Variants in AGBL1 observed in about 807,000 individuals in gnomAD.
AGBL1 encodes AGBL carboxypeptidase 1.
Under a neutral mutation model 118.9 loss-of-function variants are expected in AGBL1, and 130 were observed. The observed-to-expected ratio is 1.09, with a 90% CI of 0.95 to 1.26. The LOEUF is 1.26. Ranked by LOEUF, AGBL1 falls within the 50% of genes most tolerant of loss-of-function variation. The probability of loss-of-function intolerance (pLI) is 0.00; values close to 1 mark genes in which losing one functional copy is unlikely to be tolerated. For synonymous variants in AGBL1, 555 were observed against 478.9 expected, an observed-to-expected ratio of 1.16 and a Z score of -2.08; for missense variants, 1,584 against 1,298.1, an observed-to-expected ratio of 1.22 and a Z score of -3.38.
At chr15:86,341,702 A>G (rs1041613560) in intron 17 of AGBL1, among the ~76,000 whole-genome samples, 3 of 152,152 alleles carry the variant, frequency 2.0e-5, no homozygotes, top group Admixed American at 2.0e-4. Flanking sequence ...TAGATTAGAA[A>G]TGTAACTATG....
chr15:86,152,894 C>A (rs1018031443), intron 3 of AGBL1, among the ~76,000 whole-genome samples: 5 of 152,188 alleles, frequency 3.3e-5, no homozygotes, highest in African/African-American at 1.2e-4. Context: ...ATGCAGCCAA[C>A]AGACATGTGA....
Position 86,552,261 on chromosome 15 carries a change from C to A in AGBL1, c.2818-2100C>A, listed in dbSNP as rs537868648. Among the ~76,000 whole-genome samples, 214 of 152,232 alleles carry A rather than the reference C, an allele frequency of 1.4e-3. 6 individuals are homozygous for A. In the South Asian group the frequency reaches 0.043, roughly 31 times the overall value. On this transcript the variant is annotated intron_variant, in intron 20 of 22. Coordinates refer to ENST00000614907, the MANE Select transcript of AGBL1 (RefSeq NM_001386094.1). ...GTGGGGGGCATATGGGAAATCCCTG[C>A]ATCTTCCTTCTCAGTTTCGCTGTGG...
intron 17 of AGBL1, chr15:86,299,714 A>T (rs1343198307): frequency 6.6e-6 from 1 of 152,166 alleles, no homozygotes; most frequent in Non-Finnish European, 1.5e-5. Context: ...TTATATGTGA[A>T]TAGGTACTTT....
intron 22 of AGBL1, among the ~76,000 whole-genome samples, chr15:86,858,463 G>GGGGT (rs1555457467): frequency 2.0e-5 from 3 of 147,168 alleles, no homozygotes; most frequent in East Asian, 2.0e-4. Flanking sequence ...CCTTTCAGGT[G>GGGGT]GTGTGTGTGT....
At chr15:86,413,907 GA>G (rs557971519) in intron 18 of AGBL1, among the ~76,000 whole-genome samples, 89 of 152,216 alleles carry the variant, frequency 5.8e-4, no homozygotes, top group African/African-American at 2.0e-3. Context: ...CAGTAGCAAA[GA>G]TGTGGAATCA....
At chr15:86,360,277 TG>T (rs1200684783) in intron 17 of AGBL1, among the ~76,000 whole-genome samples, 1 of 151,880 alleles carries the variant, frequency 6.6e-6, no homozygotes, top group Non-Finnish European at 1.5e-5. Context: ...CTTTGTCAAA[TG>T]TTTTTTGGCA....
intron 18 of AGBL1, among the ~76,000 whole-genome samples, chr15:86,470,225 A>T (rs966347749): frequency 6.6e-6 from 1 of 152,098 alleles, no homozygotes; most frequent in Admixed American, 6.5e-5. Flanking sequence ...TAAGTGATTA[A>T]TTTATTTCGA....
rs575079751 is a variant in AGBL1, at chr15:86,495,398, T to TAAA, written c.2556-27412_2556-27411insAAA. On this transcript the variant is annotated intron_variant, in intron 18 of 22. Transcript: ENST00000614907. ...TTTTTTAAATACCTCTATCTTTTTT[T>TAAA]TAAAAAAAAAACCTTATAAAAGAAA... Among the ~76,000 whole-genome samples, 17 of 121,216 alleles carry TAAA rather than the reference T, an allele frequency of 1.4e-4. No homozygotes were observed. The East Asian group carries it at 2.7e-3, about 19-fold the overall frequency. The allele number at this position is 121,216 out of a possible 152,430, so 79.5% of individuals were successfully genotyped here.
chr15:86,399,205 T>C (rs1482398503), intron 18 of AGBL1, among the ~76,000 whole-genome samples: 1 of 152,164 alleles, frequency 6.6e-6, no homozygotes, highest in Admixed American at 6.6e-5. Context: ...TGTTCGCTCC[T>C]GGTCAAACAG....
chr15:86,096,798 G>A (rs972977106), intron 1 of AGBL1, among the ~76,000 whole-genome samples: 5 of 152,170 alleles, frequency 3.3e-5, no homozygotes, highest in Admixed American at 3.3e-4. Flanking sequence ...GAGTAACCTA[G>A]TATAGTCCTA....
intron 18 of AGBL1, among the ~76,000 whole-genome samples, chr15:86,514,977 T>A (rs189369413): frequency 1.3e-5 from 2 of 152,190 alleles, no homozygotes; most frequent in African/African-American, 4.8e-5. Flanking sequence ...TTTTTTTACA[T>A]AGTTGCATAA....
At chr15:86,831,233 G>A (rs1465057484) in intron 22 of AGBL1, among the ~76,000 whole-genome samples, 2 of 152,140 alleles carry the variant, frequency 1.3e-5, no homozygotes, top group Admixed American at 6.5e-5. Context: ...TTTGGGTGCA[G>A]ACAGAGCCAA....
intron 17 of AGBL1, among the ~76,000 whole-genome samples, chr15:86,343,113 C>T (rs1272458022): frequency 6.6e-6 from 1 of 152,040 alleles, no homozygotes; most frequent in Non-Finnish European, 1.5e-5. Flanking sequence ...TTCATGTTAC[C>T]CACCTCCCCA....
At chr15:86,872,530 C>T (rs1046396018) in intron 22 of AGBL1, among the ~76,000 whole-genome samples, 1 of 152,098 alleles carries the variant, frequency 6.6e-6, no homozygotes, top group African/African-American at 2.4e-5. Context: ...CTGAGGTAGG[C>T]AGAACACAAG....
intron 24 of AGBL1, among the ~76,000 whole-genome samples, chr15:87,019,987 A>G (rs528213394): frequency 1.3e-5 from 2 of 152,270 alleles, no homozygotes; most frequent in Admixed American, 1.3e-4. Flanking sequence ...AAACTCCTCT[A>G]TGCACATAAA....
At chr15:86,237,639 C>T (rs1179617985) in intron 6 of AGBL1, among the ~76,000 whole-genome samples, 2 of 152,096 alleles carry the variant, frequency 1.3e-5, no homozygotes, top group Non-Finnish European at 1.5e-5. Flanking sequence ...TACTTCCTTC[C>T]CCACCCACAG....
rs116613529 is a variant in AGBL1 at position 86,739,679 on chromosome 15, G to T, written c.3158+65243G>T. On this transcript the variant is annotated intron_variant, in intron 22 of 22. Coordinates refer to ENST00000614907, the MANE Select transcript of AGBL1 (RefSeq NM_001386094.1). ...ACCCTTAGAATAACAGACTTACCTT[G>T]GCACTTGGAAAGTACAGGAAATGGC... 5.1e-3 allele frequency among the ~76,000 whole-genome samples: 774 copies of T among 151,788 alleles called. 8 individuals carry two copies. The highest frequency in any genetic ancestry group is 0.018 in the African/African-American group (729 of 41,402).
At chr15:86,964,057 T>TG (rs759840694) in intron 23 of AGBL1, among the ~76,000 whole-genome samples, 5,453 of 132,402 alleles carry the variant, frequency 0.041, 129 homozygotes, top group Middle Eastern at 0.079. Context: ...GTGTGTGTGT[T>TG]TGTGTGTGAC....
At chr15:87,007,982 T>TTG (rs1275865076) in intron 24 of AGBL1, among the ~76,000 whole-genome samples, 5 of 152,146 alleles carry the variant, frequency 3.3e-5, no homozygotes, top group Admixed American at 3.3e-4. Flanking sequence ...AGAAGAAAAT[T>TTG]TGGATTATTC....
Sources: allele counts gnomAD v4.1 joint callset (sites outside exome capture counted in the v4.1 genomes callset), GRCh38; gene constraint gnomAD v4.1.1; transcripts MANE v1.5; gene names NCBI Gene and HGNC (gene_info 2026-07-23, HGNC 2026-07-21).